Variants in DCP1A observed in about 807,000 individuals in gnomAD.
The protein encoded by DCP1A is mRNA-decapping enzyme 1A.
DCP1A carries 20 observed loss-of-function variants against 58.0 expected under a neutral mutation model. That is an observed-to-expected ratio of 0.34 (90% confidence interval 0.24 to 0.50). The LOEUF (loss-of-function observed/expected upper bound fraction) is 0.50, where lower values mean the gene tolerates loss of function less well. Ranked by LOEUF, DCP1A falls within the 20% of genes least tolerant of loss-of-function variation. The probability of loss-of-function intolerance (pLI) is 0.98; values close to 1 mark genes in which losing one functional copy is unlikely to be tolerated. For synonymous variants in DCP1A, 285 were observed against 275.1 expected (o/e 1.04, Z -0.36); for missense variants, 613 against 712.2 (o/e 0.86, Z 1.59).
At chr3:53,298,249 T>G (rs1277479969) in intron 6 of DCP1A, among the ~76,000 whole-genome samples, 1 of 152,144 alleles carries the variant, frequency 6.6e-6, no homozygotes, top group Non-Finnish European at 1.5e-5. Context: ...TAAATTAAAA[T>G]ATGAAACCAC....
intron 6 of DCP1A, among the ~76,000 whole-genome samples, chr3:53,301,707 A>G: frequency 6.6e-6 from 1 of 152,208 alleles, no homozygotes; most frequent in East Asian, 1.9e-4. Context: ...GATGTTCTTC[A>G]GTAAGTGAGT....
chr3:53,340,598 A>G (rs1391692873), intron 3 of DCP1A, among the ~76,000 whole-genome samples: 2 of 141,008 alleles, frequency 1.4e-5, no homozygotes, highest in African/African-American at 2.6e-5. Flanking sequence ...GTGAAATTCA[A>G]ACACATTAAC....
chr3:53,306,890 T>C (rs1413673967), intron 5 of DCP1A, among the ~76,000 whole-genome samples: 4 of 151,526 alleles, frequency 2.6e-5, no homozygotes. Context: ...GCTATTTTTT[T>C]GTAGAGATGG....
Position 53,292,734 on chromosome 3 carries a change from C to T in DCP1A, c.718G>A (p.Glu240Lys). Reference protein sequence around the residue: ...EQPAVVGLDSEEMERLPGDAS... With the variant: ...EQPAVVGLDSKEMERLPGDAS... ...TCTCCTGGCAACCTCTCCATTTCTT[C>T]TGAATCCAGACCCACAACTGCTGGT... Residue 240 changes from glutamate (E) to lysine (K), a missense_variant, in exon 7 of 10, where the codon GAA becomes AAA. Physicochemically the swap from Glu to Lys is moderately conservative, Grantham distance 56. This residue lies in a region of DCP1A where 498 missense variants were observed against 556.7 expected (regional missense o/e 0.89). Coordinates refer to ENST00000610213, the MANE Select transcript of DCP1A (RefSeq NM_018403.7). 2 of 1,613,864 alleles carry T rather than the reference C, an allele frequency of 1.2e-6. No homozygotes were observed. The highest frequency in any genetic ancestry group is 4.5e-5 in the East Asian group (2 of 44,846).
In DCP1A at chr3:53,292,170, G is replaced by C; in HGVS notation, c.1282C>G (p.Leu428Val). ...VASFSPAAGQ[L>V]ATPESFIEPP... ...TCTATGAAGCTCTCAGGTGTGGCTA[G>C]CTGACCAGCTGCCGGAGAAAAGCTG... Residue 428 changes from leucine (L) to valine (V), a missense_variant, in exon 7 of 10, where the codon CTA becomes GTA. Around this residue, in one of 3 missense-constraint regions of DCP1A, gnomAD observed 498 missense variants for 556.7 expected, o/e 0.89. Coordinates refer to ENST00000610213, the MANE Select transcript of DCP1A (RefSeq NM_018403.7). 6.2e-7 allele frequency: 1 copy of C among 1,613,954 alleles called. No homozygotes were observed. The highest frequency in any genetic ancestry group is 8.5e-7 in the Non-Finnish European group (1 of 1,179,898).
chr3:53,332,678 C>T (rs2089029577), intron 3 of DCP1A, among the ~76,000 whole-genome samples: 1 of 151,986 alleles, frequency 6.6e-6, no homozygotes, highest in Admixed American at 6.6e-5. Context: ...TCCTGGCTAA[C>T]ACAGTGAAAC....
intron 3 of DCP1A, among the ~76,000 whole-genome samples, chr3:53,323,438 C>G (rs551544924): frequency 5.8e-4 from 89 of 152,336 alleles, no homozygotes; most frequent in Middle Eastern, 6.8e-3. Context: ...ATAGGACTAC[C>G]TTTCTTGAAA....
At chr3:53,288,835 G>A (rs182326854) in intron 8 of DCP1A, among the ~76,000 whole-genome samples, 9 of 152,222 alleles carry the variant, frequency 5.9e-5, no homozygotes, top group Admixed American at 1.3e-4. Context: ...TGGCCAACAT[G>A]GTGAAACCCC....
chr3:53,292,458 G>T lies in DCP1A; in HGVS notation c.994C>A (p.Pro332Thr), dbSNP rs34229192. Residue 332 changes from proline (P) to threonine (T), a missense_variant, in exon 7 of 10, where the codon CCC (proline) becomes ACC (threonine). By Grantham distance (38) the Pro-to-Thr change is conservative. Transcript: ENST00000610213. ...GTGCTGTTTCGAGGTAAGCTGGGGG[G>T]AACCTGTGCAGTAGGAGCTTCAGCT... ...LPAEAPTAQVPPSLPRNSTMM... is the reference protein window; with the variant it reads ...LPAEAPTAQVTPSLPRNSTMM... 10,829 of 1,614,004 alleles carry T rather than the reference G, an allele frequency of 6.7e-3. 49 individuals carry two copies. The highest frequency in any genetic ancestry group is 8.1e-3 in the Non-Finnish European group (9,584 of 1,179,900).
intron 3 of DCP1A, among the ~76,000 whole-genome samples, chr3:53,336,458 A>G (rs1363651420): frequency 6.6e-6 from 1 of 152,114 alleles, no homozygotes; most frequent in Admixed American, 6.5e-5. Context: ...TATAATCTGT[A>G]TCTGGTATTT....
chr3:53,316,596 C>CTTT (rs11351636), intron 4 of DCP1A, among the ~76,000 whole-genome samples: 5 of 112,292 alleles, frequency 4.5e-5, no homozygotes, highest in African/African-American at 7.1e-5. Flanking sequence ...TTCTTCTTCC[C>CTTT]TTTTTTTTTT....
intron 1 of DCP1A, among the ~76,000 whole-genome samples, chr3:53,346,858 G>A (rs149160807): frequency 6.6e-6 from 1 of 152,114 alleles, no homozygotes; most frequent in Non-Finnish European, 1.5e-5. Flanking sequence ...ATTAAAGCCG[G>A]ACCCACCCAC....
At chr3:53,295,124 G>T (rs1445273457) in intron 6 of DCP1A, among the ~76,000 whole-genome samples, 1 of 152,180 alleles carries the variant, frequency 6.6e-6, no homozygotes, top group Non-Finnish European at 1.5e-5. Flanking sequence ...TGAGCATGCA[G>T]GCAAGTTTGC....
chr3:53,298,144 A>G (rs1320928006), intron 6 of DCP1A, among the ~76,000 whole-genome samples: 6 of 152,138 alleles, frequency 3.9e-5, no homozygotes, highest in Non-Finnish European at 8.8e-5. Context: ...TTTAAGCCCA[A>G]GAGTTTGAGG....
At chr3:53,299,315 G>A (rs1707236329) in intron 6 of DCP1A, among the ~76,000 whole-genome samples, 1 of 152,204 alleles carries the variant, frequency 6.6e-6, no homozygotes, top group Non-Finnish European at 1.5e-5. Context: ...AAGGTAAAAT[G>A]TTATTCTTTC....
rs1355583396 is a variant in DCP1A, at chr3:53,314,757, C to T, written c.372-2378G>A. Reference sequence around the variant, plus strand: ...TGCGATCTCGGCTTACTGCAACCTTCGACTCCCGGGTTCAAGCGATTCTCG... The same window carrying T: ...TGCGATCTCGGCTTACTGCAACCTTTGACTCCCGGGTTCAAGCGATTCTCG... On this transcript the variant is annotated intron_variant, in intron 4 of 9. Transcript: ENST00000610213. Among the ~76,000 whole-genome samples, 5 of 144,202 alleles carry T rather than the reference C, an allele frequency of 3.5e-5. No homozygotes were observed. The East Asian group carries it at 6.1e-4, about 17-fold the overall frequency. 94.6% of individuals were successfully genotyped at this position (144,202 alleles called of 152,430 possible).
At chr3:53,309,218 A>G (rs573685017) in intron 5 of DCP1A, among the ~76,000 whole-genome samples, 2 of 151,996 alleles carry the variant, frequency 1.3e-5, no homozygotes, top group South Asian at 4.2e-4. Flanking sequence ...AAAAATACAA[A>G]AAATTAGCCG....
At chr3:53,304,769 G>C (rs1553687822) in intron 5 of DCP1A, among the ~76,000 whole-genome samples, 1 of 151,058 alleles carries the variant, frequency 6.6e-6, no homozygotes, top group African/African-American at 2.4e-5. Flanking sequence ...ATTTTTAGTA[G>C]AGACAGGGTT....
chr3:53,309,684 G>C (rs1403812977), intron 5 of DCP1A, among the ~76,000 whole-genome samples: 1 of 152,228 alleles, frequency 6.6e-6, no homozygotes, highest in Non-Finnish European at 1.5e-5. Flanking sequence ...AGAATGTCTT[G>C]AGCCTGGGAG....
Sources: gnomAD v4.1 joint callset for allele counts (sites outside exome capture counted in the v4.1 genomes callset) on GRCh38, gnomAD v4.1.1 for gene constraint, gnomAD v4.1.1 regional missense constraint, MANE v1.5 for transcripts, NCBI Gene and HGNC (gene_info 2026-07-23, HGNC 2026-07-21) for gene names.